Variants in PRKG1 observed in about 807,000 individuals in gnomAD.
PRKG1 encodes the protein protein kinase cGMP-dependent 1.
Under a neutral mutation model 88.1 loss-of-function variants are expected in PRKG1, and 35 were observed. The observed-to-expected ratio is 0.40, with a 90% CI of 0.30 to 0.53. The LOEUF (loss-of-function observed/expected upper bound fraction) is 0.53. Ranked by LOEUF, PRKG1 falls within the 20% of genes least tolerant of loss-of-function variation. The probability of loss-of-function intolerance (pLI) is 0.59; values close to 1 mark genes in which losing one functional copy is unlikely to be tolerated. For missense variants in PRKG1, 540 were observed against 839.8 expected, an observed-to-expected ratio of 0.64 and a Z score of 4.41; for synonymous variants, 303 against 292.5, an observed-to-expected ratio of 1.04 and a Z score of -0.37.
chr10:52,026,779 A>G (rs1045382565), intron 5 of PRKG1, among the ~76,000 whole-genome samples: 1 of 152,194 alleles, frequency 6.6e-6, no homozygotes, highest in Non-Finnish European at 1.5e-5. Context: ...GATCAAGACC[A>G]TCCTGGCTAA....
chr10:52,003,704 G>A (rs1389759063), intron 5 of PRKG1, among the ~76,000 whole-genome samples: 1 of 152,198 alleles, frequency 6.6e-6, no homozygotes, highest in Non-Finnish European at 1.5e-5. Flanking sequence ...ATTTTCTCTA[G>A]CTGAGCAATC....
chr10:52,185,221 T>C (rs1839162622), intron 9 of PRKG1: 1 of 152,128 alleles, frequency 6.6e-6, no homozygotes, highest in South Asian at 2.1e-4. Context: ...AAGCATTGGG[T>C]AAACATGACC....
intron 2 of PRKG1, among the ~76,000 whole-genome samples, chr10:51,397,612 C>A (rs568202289): frequency 6.6e-6 from 1 of 152,226 alleles, no homozygotes; most frequent in Admixed American, 6.5e-5. Context: ...TTTCTGAGGG[C>A]AAATTTTAAC....
chr10:51,412,764 G>A (rs1015622624), intron 2 of PRKG1, among the ~76,000 whole-genome samples: 6 of 152,170 alleles, frequency 3.9e-5, no homozygotes, highest in African/African-American at 1.4e-4. Flanking sequence ...GGCTGAGGTA[G>A]GGAGTGAAGA....
At chr10:51,967,513 A>G (rs752847717) in intron 5 of PRKG1, among the ~76,000 whole-genome samples, 11 of 152,098 alleles carry the variant, frequency 7.2e-5, no homozygotes, top group Non-Finnish European at 1.3e-4. Context: ...TACATATGTA[A>G]CTAACCTGCA....
intron 4 of PRKG1, among the ~76,000 whole-genome samples, chr10:51,840,890 A>T (rs896072669): frequency 6.6e-6 from 1 of 152,198 alleles, no homozygotes; most frequent in African/African-American, 2.4e-5. Flanking sequence ...TGAAGAGTCT[A>T]TAACACTTAT....
intron 1 of PRKG1, among the ~76,000 whole-genome samples, chr10:51,086,455 C>A (rs1844249988): frequency 6.6e-6 from 1 of 152,082 alleles, no homozygotes; most frequent in African/African-American, 2.4e-5. Context: ...AGAATTTAGG[C>A]ACTTAGAAGC....
chr10:51,947,781 A>C (rs963770967), intron 5 of PRKG1, among the ~76,000 whole-genome samples: 1 of 152,110 alleles, frequency 6.6e-6, no homozygotes, highest in African/African-American at 2.4e-5. Flanking sequence ...CTCCATGGGG[A>C]CTGAATTCCT....
intron 2 of PRKG1, among the ~76,000 whole-genome samples, chr10:51,157,359 T>A (rs1211891847): frequency 6.6e-6 from 1 of 151,984 alleles, no homozygotes; most frequent in African/African-American, 2.4e-5. Context: ...TGCTTAAAGC[T>A]CGTTTTATGT....
chr10:51,950,939 C>G (rs1167607131), intron 5 of PRKG1, among the ~76,000 whole-genome samples: 1 of 152,194 alleles, frequency 6.6e-6, no homozygotes, highest in East Asian at 1.9e-4. Context: ...GGGGGTGGTC[C>G]CCCAATGGTG....
At chr10:51,142,499 A>C (rs1316514480) in intron 1 of PRKG1, among the ~76,000 whole-genome samples, 1 of 152,102 alleles carries the variant, frequency 6.6e-6, no homozygotes, top group Non-Finnish European at 1.5e-5. Context: ...AGAGATAGGA[A>C]GATCCAGACA....
intron 9 of PRKG1, among the ~76,000 whole-genome samples, chr10:52,217,628 A>G (rs754025656): frequency 1.2e-4 from 19 of 152,176 alleles, no homozygotes; most frequent in Non-Finnish European, 2.6e-4. Flanking sequence ...CAAGGATTAA[A>G]CAATATACAA....
At chr10:51,043,118 A>G (rs529297798) in intron 1 of PRKG1, among the ~76,000 whole-genome samples, 9 of 152,266 alleles carry the variant, frequency 5.9e-5, no homozygotes, top group African/African-American at 2.2e-4. Flanking sequence ...ATACTTCCTT[A>G]CTGAGCAGTC....
chr10:51,970,159 G>C (rs898406880), intron 5 of PRKG1, among the ~76,000 whole-genome samples: 2 of 151,736 alleles, frequency 1.3e-5, no homozygotes, highest in Admixed American at 6.6e-5. Flanking sequence ...AAGTAAGACT[G>C]TTTTCTTACA....
intron 2 of PRKG1, among the ~76,000 whole-genome samples, chr10:51,226,655 G>A (rs894275352): frequency 6.6e-6 from 1 of 152,084 alleles, no homozygotes; most frequent in Non-Finnish European, 1.5e-5. Flanking sequence ...TAGAAACTAG[G>A]AGGGTTAGTT....
intron 2 of PRKG1, among the ~76,000 whole-genome samples, chr10:51,229,005 C>T (rs961331079): frequency 3.9e-5 from 6 of 152,138 alleles, no homozygotes; most frequent in African/African-American, 1.4e-4. Flanking sequence ...TACCTTTTTC[C>T]ACTACTCACT....
chr10:51,327,532 CAT>C (rs1253357544), intron 2 of PRKG1, among the ~76,000 whole-genome samples: 4 of 151,876 alleles, frequency 2.6e-5, no homozygotes, highest in African/African-American at 4.8e-5. Context: ...CACGTACAGA[CAT>C]GTGTCACTTA....
chr10:51,629,478 C>G (rs1839469765), intron 3 of PRKG1, among the ~76,000 whole-genome samples: 1 of 151,560 alleles, frequency 6.6e-6, no homozygotes, highest in South Asian at 2.1e-4. Context: ...GAGACAGCGA[C>G]ACCCAAAGTG....
At chr10:51,673,775 C>T (rs148445423) in intron 3 of PRKG1, among the ~76,000 whole-genome samples, 6 of 152,170 alleles carry the variant, frequency 3.9e-5, no homozygotes, top group South Asian at 2.1e-4. Flanking sequence ...TTATCATGAT[C>T]GAGATTTGAG....
Sources: allele counts gnomAD v4.1 joint callset (sites outside exome capture counted in the v4.1 genomes callset), GRCh38; gene constraint gnomAD v4.1.1; transcripts MANE v1.5; gene names NCBI Gene and HGNC (gene_info 2026-07-23, HGNC 2026-07-21).